Variants in AAMDC observed in about 807,000 individuals in gnomAD.
AAMDC encodes the protein adipogenesis associated Mth938 domain containing, also known as mth938 domain-containing protein.
A neutral mutation model predicts 15.5 loss-of-function variants in AAMDC; 16 were observed. That is an observed-to-expected ratio of 1.03 (90% CI 0.70 to 1.57). AAMDC has a LOEUF of 1.57. Ranked by LOEUF, AAMDC falls within the 40% of genes most tolerant of loss-of-function variation. The pLI is 0.00. For synonymous variants in AAMDC, 51 were observed against 51.6 expected (o/e 0.99, Z 0.05); for missense variants, 141 against 144.9 (o/e 0.97, Z 0.14).
At chr11:77,872,471 C>A, downstream of AAMDC, 1 of 840,040 alleles carries the variant, frequency 1.2e-6, no homozygotes, top group Non-Finnish European at 1.7e-6. Context: ...AGACAAGGTC[C>A]CTGTCCTTGA....
At chr11:77,900,912 G>A (rs1952759164), downstream of AAMDC, 3 of 413,310 alleles carry the variant, frequency 7.3e-6, no homozygotes, top group Admixed American at 8.3e-5. Flanking sequence ...TGAGGTAGAT[G>A]CTGTCTTCAT....
chr11:77,868,130 A>T (rs1406057989), intron 2 of AAMDC, among the ~76,000 whole-genome samples: 6 of 146,152 alleles, frequency 4.1e-5, no homozygotes, highest in Non-Finnish European at 8.9e-5. Context: ...ATCTTGGCTC[A>T]CTGCAAGCTC....
At chr11:77,889,646 C>T (rs1032861818) in intron 5 of AAMDC, among the ~76,000 whole-genome samples, 19 of 152,154 alleles carry the variant, frequency 1.2e-4, no homozygotes, top group Non-Finnish European at 2.4e-4. Flanking sequence ...ATCTCAGTGT[C>T]ATCTCTGAGG....
At chr11:77,843,562 G>A (rs940801450) in intron 2 of AAMDC, among the ~76,000 whole-genome samples, 9 of 152,134 alleles carry the variant, frequency 5.9e-5, no homozygotes, top group African/African-American at 9.7e-5. Context: ...TTATCTTGAC[G>A]CCTCCACTGT....
At chr11:77,901,793 A>T (rs1952785941), downstream of AAMDC, among the ~76,000 whole-genome samples, 1 of 151,934 alleles carries the variant, frequency 6.6e-6, no homozygotes, top group Non-Finnish European at 1.5e-5. Context: ...ATGTGAAGAT[A>T]AGAAAGTTTA....
At chr11:77,837,107 G>GT (rs1194679703) in intron 1 of AAMDC, among the ~76,000 whole-genome samples, 7 of 152,150 alleles carry the variant, frequency 4.6e-5, no homozygotes, top group Admixed American at 4.6e-4. Context: ...CTTCTGTGTT[G>GT]TTTTTTGTTT....
intron 1 of AAMDC, among the ~76,000 whole-genome samples, chr11:77,835,924 AT>A (rs1036586757): frequency 5.3e-5 from 8 of 152,070 alleles, no homozygotes; most frequent in African/African-American, 1.2e-4. Context: ...GAAAAAAAAA[AT>A]AATAATAAAA....
chr11:77,845,697 T>C (rs1318186544), intron 2 of AAMDC, among the ~76,000 whole-genome samples: 1 of 152,186 alleles, frequency 6.6e-6, no homozygotes, highest in Non-Finnish European at 1.5e-5. Flanking sequence ...CCCAAAGTGC[T>C]GGGTTTATAG....
intron 5 of AAMDC, among the ~76,000 whole-genome samples, chr11:77,877,969 C>G (rs1253369582): frequency 6.6e-6 from 1 of 152,118 alleles, no homozygotes; most frequent in Non-Finnish European, 1.5e-5. Flanking sequence ...CACTGGACCC[C>G]TGTTTCCCAT....
chr11:77,834,041 A>G (rs987481169), intron 1 of AAMDC, among the ~76,000 whole-genome samples: 2 of 152,262 alleles, frequency 1.3e-5, no homozygotes, highest in African/African-American at 4.8e-5. Context: ...TATATTAAGT[A>G]AAGTTGTCAA....
chr11:77,877,110 C>T (rs796526678), downstream of AAMDC: 19 of 695,176 alleles, frequency 2.7e-5, no homozygotes, highest in East Asian at 2.7e-4. Context: ...GTCCCTCTTT[C>T]GCACTCATGA....
rs938358795 is a variant in AAMDC, at chr11:77,844,642, A to G, written c.132+2014A>G. ...CTCCCAAAATGCTGAGATTACAGGC[A>G]TGAGCCATCATGCCCAGCCAGATTT... is the stretch of plus-strand genomic sequence containing the variant. On this transcript the variant is annotated intron_variant, in intron 2 of 3. Coordinates refer to ENST00000393427, the MANE Select transcript of AAMDC (RefSeq NM_024684.4). 2.0e-5 allele frequency among the ~76,000 whole-genome samples: 3 copies of G among 152,164 alleles called. No individual in the cohort carries two copies. The East Asian group carries it at 5.8e-4, about 29-fold the overall frequency.
At chr11:77,867,839 T>G (rs924357041) in intron 2 of AAMDC, among the ~76,000 whole-genome samples, 1 of 152,212 alleles carries the variant, frequency 6.6e-6, no homozygotes, top group African/African-American at 2.4e-5. Flanking sequence ...TCAGAGTGAT[T>G]GGTAGGTTTT....
At chr11:77,893,948 T>C (rs1027685839) in intron 5 of AAMDC, among the ~76,000 whole-genome samples, 7 of 143,144 alleles carry the variant, frequency 4.9e-5, no homozygotes, top group Middle Eastern at 3.5e-3. Flanking sequence ...ACGAACAGTG[T>C]TGAAAAAAAC....
At chr11:77,879,209 A>C in intron 5 of AAMDC, 1 of 1,474,214 alleles carries the variant, frequency 6.8e-7, no homozygotes, top group African/African-American at 1.4e-5. Flanking sequence ...AGAAATATCA[A>C]AATGGAAGCA....
At chr11:77,905,536 A>G (rs749194192), downstream of AAMDC, among the ~76,000 whole-genome samples, 11 of 152,134 alleles carry the variant, frequency 7.2e-5, no homozygotes, top group Non-Finnish European at 1.6e-4. Flanking sequence ...TGACTCCATG[A>G]AAGTGCATCA....
At chr11:77,833,595 G>A (rs974062054) in intron 1 of AAMDC, among the ~76,000 whole-genome samples, 18 of 152,114 alleles carry the variant, frequency 1.2e-4, no homozygotes, top group East Asian at 3.9e-4. Context: ...AACAGATCAC[G>A]GACTGGTAGC....
At chr11:77,836,097 A>G (rs1176614027) in intron 1 of AAMDC, among the ~76,000 whole-genome samples, 1 of 152,126 alleles carries the variant, frequency 6.6e-6, no homozygotes, top group Non-Finnish European at 1.5e-5. Flanking sequence ...ACAGATCTAA[A>G]ATATCTGGTA....
downstream of AAMDC, among the ~76,000 whole-genome samples, chr11:77,905,351 G>A (rs1219650194): frequency 3.3e-5 from 5 of 151,962 alleles, no homozygotes; most frequent in Non-Finnish European, 7.4e-5. Context: ...CAGCTACTTG[G>A]GAGACTGAGA....
Sources: allele counts gnomAD v4.1 joint callset (sites outside exome capture counted in the v4.1 genomes callset), GRCh38; gene constraint gnomAD v4.1.1; transcripts MANE v1.5; gene names NCBI Gene and HGNC (gene_info 2026-07-23, HGNC 2026-07-21).